The following ZNF732 variants were observed in gnomAD, a reference collection of about 807,000 sequenced individuals.
ZNF732 encodes zinc finger protein 732.
Under a neutral mutation model 11.5 loss-of-function variants are expected in ZNF732, and 12 were observed. The observed-to-expected ratio is 1.05, with a 90% CI of 0.67 to 1.70. ZNF732 has a LOEUF of 1.70. Among genes scored for constraint, ZNF732 ranks in the 40% most tolerant of loss-of-function variants. ZNF732 has a pLI of 0.00. For synonymous variants in ZNF732, 231 were observed against 236.5 expected (o/e 0.98, Z 0.21); for missense variants, 702 against 676.9 (o/e 1.04, Z -0.41).
chr4:303,819 CTG>C (rs1392309614), intron 1 of ZNF732, among the ~76,000 whole-genome samples: 4 of 152,112 alleles, frequency 2.6e-5, no homozygotes, highest in Non-Finnish European at 5.9e-5. Flanking sequence ...CTTGGGCACA[CTG>C]TGTGCACAGG....
chr4:287,255 C>T (rs1470557648), intron 3 of ZNF732, among the ~76,000 whole-genome samples: 1 of 151,564 alleles, frequency 6.6e-6, no homozygotes, highest in African/African-American at 2.4e-5. Flanking sequence ...TTTGGTGTTG[C>T]CCAGACTGTA....
rs533503915 is a variant in ZNF732, at chr4:291,302, G to A, written c.226+4136C>T. ...TCACTACAAGGCCCAGGCCCATCTC[G>A]AACTCCTGTGCTCAAGTGATCCACA... On this transcript the variant is annotated intron_variant, in intron 3 of 3. Transcript: ENST00000419098. Among the ~76,000 whole-genome samples, 15 of 152,216 alleles carry A rather than the reference G, an allele frequency of 9.9e-5. No individual in the cohort carries two copies. The South Asian group carries it at 2.7e-3, about 27-fold the overall frequency.
rs1476002353 is a variant in ZNF732 at position 279,307 on chromosome 4, G to C, written c.227-6677C>G. The stretch of plus-strand genomic sequence containing the variant: ...CAAAAACAAAAAAAATTAGCTGGGC[G>C]TGGTGGTGGGCGCTTGTAGTCCCAG... On this transcript the variant is annotated intron_variant, in intron 3 of 3. Transcript: ENST00000419098. Among the ~76,000 whole-genome samples the C allele has an allele frequency of 2.6e-5, 4 of 152,040 alleles. No individual in the cohort carries two copies. In the South Asian group the frequency reaches 8.3e-4, roughly 32 times the overall value.
chr4:281,476 T>C (rs781828933), intron 3 of ZNF732, among the ~76,000 whole-genome samples: 1 of 152,206 alleles, frequency 6.6e-6, no homozygotes, highest in Non-Finnish European at 1.5e-5. Flanking sequence ...AATCTGCATA[T>C]ATAACTGGAG....
At chr4:279,206 A>C (rs1466664562) in intron 3 of ZNF732, among the ~76,000 whole-genome samples, 1 of 151,982 alleles carries the variant, frequency 6.6e-6, no homozygotes, top group Non-Finnish European at 1.5e-5. Flanking sequence ...TGGGAGGCCG[A>C]GGCGGGCAGA....
At chr4:287,084 A>G (rs1374510799) in intron 3 of ZNF732, among the ~76,000 whole-genome samples, 1 of 151,946 alleles carries the variant, frequency 6.6e-6, no homozygotes, top group Non-Finnish European at 1.5e-5. Context: ...CCGGGAGGCG[A>G]AGCTTGCAGT....
chr4:303,896 G>A (rs1553843950), intron 1 of ZNF732, among the ~76,000 whole-genome samples: 1 of 152,186 alleles, frequency 6.6e-6, no homozygotes, highest in Non-Finnish European at 1.5e-5. Flanking sequence ...TCATGGTGGG[G>A]ACAGGGCAGG....
chr4:295,559 C>T (rs782722865), intron 2 of ZNF732, 26 bp from the exon 3 acceptor site: 1 of 1,565,572 alleles, frequency 6.4e-7, no homozygotes, highest in Non-Finnish European at 8.7e-7. Flanking sequence ...AATTAACATG[C>T]TACTGTTAGG....
rs113397472 is a variant in ZNF732, at chr4:302,251, G to GA, written c.3+3056dup. ...GTCTGGTGATTCTGGACAGTGTGAG[G>GA]AAAAATATAACTAAAAGCAAAATCA... On this transcript the variant is annotated intron_variant, in intron 1 of 3. Coordinates refer to ENST00000419098, the MANE Select transcript of ZNF732 (RefSeq NM_001137608.3). Among the ~76,000 whole-genome samples, 1,102 of 152,072 alleles carry GA rather than the reference G, an allele frequency of 7.2e-3. 22 individuals are homozygous for GA. Among genetic ancestry groups the GA allele is most frequent in the African/African-American group, 0.025 (1,034 of 41,444 alleles).
Position 295,155 on chromosome 4 carries a change from C to T in ZNF732, c.226+283G>A, listed in dbSNP as rs148348614. ...ACACATATTCCTATGTCTCCAAATG[C>T]AATGGAACAGCAGTCAGATCATGCA... is the stretch of plus-strand genomic sequence containing the variant. On this transcript the variant is annotated intron_variant, in intron 3 of 3. Transcript: ENST00000419098. Among the ~76,000 whole-genome samples, 85 of 152,250 alleles carry T rather than the reference C, an allele frequency of 5.6e-4. 1 individual carries two copies. Among genetic ancestry groups the T allele is most frequent in the African/African-American group, 1.9e-3 (78 of 41,552 alleles).
Position 271,764 on chromosome 4 carries a change from C to T in ZNF732, c.1093G>A (p.Glu365Lys), listed in dbSNP as rs1000720571. 1.9e-6 allele frequency: 3 copies of T among 1,611,882 alleles called. No individual in the cohort carries two copies. The highest frequency in any genetic ancestry group is 2.2e-5 in the South Asian group (2 of 90,902). The change falls in exon 4 of 4, where the codon GAA becomes AAA. Residue 365 changes from glutamate to lysine, a missense_variant. By Grantham distance (56) the Glu-to-Lys change is moderately conservative. Transcript: ENST00000419098. ...TGTCTAAAGGCTTTGCCACATTGTT[C>T]ACATTTGTAGGGCTTCTCTCCAGTA... ...IHTGEKPYKC[E>K]QCGKAFRQSA...
chr4:305,335 A>C lies in ZNF732; in HGVS notation c.-25T>G. ...TTTCCCCACTTCAGGGGTGTAGCGG[A>C]GTCTCAGCTACGAATCATCCAATAC... On this transcript the variant is annotated 5_prime_UTR_variant, in exon 1 of 4. Coordinates refer to ENST00000419098, the MANE Select transcript of ZNF732 (RefSeq NM_001137608.3). 6.2e-7 allele frequency: 1 copy of C among 1,607,600 alleles called. No homozygotes were observed. Among genetic ancestry groups the C allele is most frequent in the Non-Finnish European group, 8.5e-7 (1 of 1,179,812 alleles).
At chr4:281,189 T>A (rs1459577099) in intron 3 of ZNF732, among the ~76,000 whole-genome samples, 2 of 151,936 alleles carry the variant, frequency 1.3e-5, no homozygotes, top group Non-Finnish European at 2.9e-5. Context: ...AACCAAGCTC[T>A]GGTCTCTGTC....
intron 3 of ZNF732, among the ~76,000 whole-genome samples, chr4:290,450 C>A (rs1719823628): frequency 6.6e-6 from 1 of 152,184 alleles, no homozygotes; most frequent in African/African-American, 2.4e-5. Context: ...GCCTGCAGAT[C>A]CTGGCCTCAG....
intron 1 of ZNF732, among the ~76,000 whole-genome samples, chr4:302,079 T>C (rs1317592959): frequency 6.6e-6 from 1 of 152,082 alleles, no homozygotes; most frequent in East Asian, 1.9e-4. Context: ...GAAGCGACTG[T>C]AGATAGAAGG....
chr4:293,349 A>G (rs1719885270), intron 3 of ZNF732, among the ~76,000 whole-genome samples: 1 of 148,262 alleles, frequency 6.7e-6, no homozygotes, highest in Non-Finnish European at 1.5e-5. Flanking sequence ...ACTACTATTC[A>G]GCCATAAAAG....
intron 1 of ZNF732, among the ~76,000 whole-genome samples, chr4:298,752 C>CT (rs1560164701): frequency 1.3e-5 from 2 of 152,196 alleles, no homozygotes; most frequent in African/African-American, 2.4e-5. Flanking sequence ...GCCCCTGTCC[C>CT]TGATCAGCTA....
intron 1 of ZNF732, 95 bp downstream of exon 1, chr4:305,213 G>A: frequency 1.4e-5 from 21 of 1,484,084 alleles, no homozygotes; most frequent in Non-Finnish European, 1.8e-5. Context: ...GGCGGCAGCG[G>A]AGACTCCGTT....
rs61792066 is a variant in ZNF732, at chr4:271,570, C to G, written c.1287G>C (p.Trp429Cys). The G allele has an allele frequency of 3.5e-5, 56 of 1,607,324 alleles. No individual in the cohort carries two copies. The highest frequency in any genetic ancestry group is 4.5e-5 in the Non-Finnish European group (53 of 1,177,556). The change falls in exon 4 of 4, where the codon TGG becomes TGC. Residue 429 changes from tryptophan to cysteine, a missense_variant. By Grantham distance (215) the Trp-to-Cys change is radical (BLOSUM62 -2). Transcript: ENST00000419098. ...KCEECGKAFG[W>C]STDLNKHKII... ...TCTTATGTTTATTCAGGTCTGTGGA[C>G]CATCCAAAGGCTTTGCCACACTCTT... is the stretch of plus-strand genomic sequence containing the variant.
Sources: gnomAD v4.1 joint callset for allele counts (sites outside exome capture counted in the v4.1 genomes callset) on GRCh38, gnomAD v4.1.1 for gene constraint, MANE v1.5 for transcripts, NCBI Gene and HGNC (gene_info 2026-07-23, HGNC 2026-07-21) for gene names.